The following NUP153 variants were observed in gnomAD, a reference collection of about 807,000 sequenced individuals.
NUP153 encodes nucleoporin 153.
Under a neutral mutation model 134.6 loss-of-function variants are expected in NUP153, and 27 were observed. That is an observed-to-expected ratio of 0.20 (90% CI 0.15 to 0.28). NUP153 has a LOEUF of 0.28. NUP153 is among the 10% of genes least tolerant of loss of function. The probability of loss-of-function intolerance (pLI) is 1.00; values close to 1 mark genes in which losing one functional copy is unlikely to be tolerated. For synonymous variants in NUP153, 640 were observed against 623.5 expected (o/e 1.03, Z -0.40); for missense variants, 1,821 against 1,731.3 (o/e 1.05, Z -0.92).
At chr6:17,679,222 A>T (rs1033645817) in intron 2 of NUP153, among the ~76,000 whole-genome samples, 5 of 152,202 alleles carry the variant, frequency 3.3e-5, no homozygotes, top group African/African-American at 1.2e-4. Flanking sequence ...TCAACACAAA[A>T]AAATGTGTTT....
At chr6:17,639,534 A>G (rs1765733055) in intron 15 of NUP153, among the ~76,000 whole-genome samples, 2 of 152,202 alleles carry the variant, frequency 1.3e-5, no homozygotes, top group South Asian at 4.1e-4. Flanking sequence ...ACTGCTCCCT[A>G]TGTATATGTT....
At chr6:17,646,809 G>A (rs972333958) in intron 13 of NUP153, among the ~76,000 whole-genome samples, 2 of 151,670 alleles carry the variant, frequency 1.3e-5, no homozygotes, top group Admixed American at 6.6e-5. Context: ...GCACAATCTC[G>A]GCTCACTGCA....
In NUP153 at chr6:17,637,144, A is replaced by G. The variant is rs774247886; in HGVS notation, c.2464+9T>C. 2.3e-5 allele frequency: 36 copies of G among 1,594,580 alleles called. No homozygotes were observed. Among genetic ancestry groups the G allele is most frequent in the Non-Finnish European group, 2.9e-5 (34 of 1,167,296 alleles). ...TAAGCAAAATTACTCCATAAAGCCA[A>G]AAACATACCTGGTTTCTCAGACATA... On this transcript the variant is annotated intron_variant, in intron 16 of 21. Transcript: ENST00000262077.
rs1765798714 is a variant in NUP153 at position 17,640,869 on chromosome 6, C to G, written c.1721-805G>C. ...AACTCCTGGCCTCAGGTGATCCTCC[C>G]ACATCGGCCTCCCAAAGCACTGGCA... On this transcript the variant is annotated intron_variant, in intron 14 of 21. Coordinates refer to ENST00000262077, the MANE Select transcript of NUP153 (RefSeq NM_005124.4). 3.9e-5 allele frequency among the ~76,000 whole-genome samples: 6 copies of G among 152,082 alleles called. No individual in the cohort carries two copies. In the South Asian group the frequency reaches 1.2e-3, roughly 31 times the overall value.
intron 1 of NUP153, among the ~76,000 whole-genome samples, chr6:17,690,925 A>G (rs1294712442): frequency 2.0e-5 from 3 of 151,902 alleles, no homozygotes; most frequent in Non-Finnish European, 2.9e-5. Context: ...GGATCATGAG[A>G]TCAGGAGTTC....
chr6:17,628,845 A>C lies in NUP153; in HGVS notation c.3354T>G (p.Phe1118Leu). ...GCTCTTCATTGTCAGCTTTCTTCCC[A>C]AAAACTAGGGAAGTAGAAGTGACAG... ...QEPVTSTSLV[F>L]GKKADNEEPK... Residue 1118 changes from phenylalanine to leucine, a missense_variant, in exon 18 of 22, where the codon TTT becomes TTG. Physicochemically the swap from Phe to Leu is conservative, Grantham distance 22 (BLOSUM62 0). Coordinates refer to ENST00000262077, the MANE Select transcript of NUP153 (RefSeq NM_005124.4). This position sits in a 1 kb window ranked among gnomAD's most constrained non-coding sequence, Gnocchi z 5.4. The C allele has an allele frequency of 1.9e-6, 3 of 1,614,142 alleles. No individual in the cohort carries two copies. The highest frequency in any genetic ancestry group is 2.5e-6 in the Non-Finnish European group (3 of 1,179,994).
At chr6:17,674,260 A>C (rs960623741) in intron 5 of NUP153, among the ~76,000 whole-genome samples, 10 of 152,188 alleles carry the variant, frequency 6.6e-5, no homozygotes, top group African/African-American at 1.9e-4. Flanking sequence ...TTATATACAT[A>C]ATAATATGTT....
chr6:17,688,393 T>C lies in NUP153; in HGVS notation c.334+3A>G, dbSNP rs1769071281. On this transcript the variant is annotated splice_donor_region_variant and intron_variant, in intron 2 of 21. Transcript: ENST00000262077. Reference sequence around the variant, plus strand: ...CATGACAAAATATTCACATTTTACTTACCTTCTGTATTACTGACTGCTGGC... The same window carrying C: ...CATGACAAAATATTCACATTTTACTCACCTTCTGTATTACTGACTGCTGGC... 1.2e-6 allele frequency: 2 copies of C among 1,608,898 alleles called. No homozygotes were observed. Among genetic ancestry groups the C allele is most frequent in the East Asian group, 2.2e-5 (1 of 44,828 alleles).
At chr6:17,663,722 T>C (rs182594975) in intron 9 of NUP153, among the ~76,000 whole-genome samples, 2 of 152,286 alleles carry the variant, frequency 1.3e-5, no homozygotes, top group East Asian at 1.9e-4. Context: ...TTCAATAAAT[T>C]GAGTTGTTAG....
intron 5 of NUP153, among the ~76,000 whole-genome samples, chr6:17,673,460 AAATG>A (rs1561894104): frequency 6.6e-6 from 1 of 152,252 alleles, no homozygotes; most frequent in East Asian, 1.9e-4. Context: ...GTACCCTGAA[AAATG>A]AACTCTCTCA....
At position 17,701,847 on chromosome 6, in the gene NUP153, A is replaced by AAG. The variant is rs893196750; in HGVS notation, c.111+4429_111+4430insCT. Among the ~76,000 whole-genome samples the AAG allele has an allele frequency of 3.8e-5, 3 of 78,048 alleles. 1 individual carries two copies. Among genetic ancestry groups the AAG allele is most frequent in the Non-Finnish European group, 8.9e-5 (3 of 33,828 alleles). The allele number at this position is 78,048 out of a possible 152,430, so 51.2% of individuals were successfully genotyped here. A position where few individuals can be genotyped will look rare whatever the true frequency, so the allele number is the denominator to read the frequency against. On this transcript the variant is annotated intron_variant, in intron 1 of 21. Coordinates refer to ENST00000262077, the MANE Select transcript of NUP153 (RefSeq NM_005124.4). ...GACTCTGTCTCGGGGGGGGGGGGAA[A>AAG]AAAGCTAAATGCAGGAACTGACTTG...
intron 1 of NUP153, among the ~76,000 whole-genome samples, chr6:17,693,691 G>A (rs563960718): frequency 1.2e-3 from 174 of 147,776 alleles, no homozygotes; most frequent in Non-Finnish European, 2.0e-3. Context: ...GCTGAGACCA[G>A]CCTGGCCAAC....
At chr6:17,637,846 G>A (rs1765639730) in intron 15 of NUP153, 76 bp from the exon 16 acceptor site, 3 of 1,463,884 alleles carry the variant, frequency 2.0e-6, no homozygotes, top group Admixed American at 4.8e-5. Context: ...TATTATTACT[G>A]AGAAGACGTT....
rs536334136 is a variant in NUP153, at chr6:17,619,189, A to G, written c.4175-2494T>C. On this transcript the variant is annotated intron_variant, in intron 20 of 21. Transcript: ENST00000262077. ...ACTCTGGAAGCCAGAAAAGTCTACA[A>G]TGGAGAAATGCTTTCAAAATTATAA... Among the ~76,000 whole-genome samples the G allele has an allele frequency of 3.3e-5, 5 of 152,342 alleles. No homozygotes were observed. In the South Asian group the frequency reaches 1.0e-3, roughly 32 times the overall value.
chr6:17,637,788 G>T lies in NUP153; in HGVS notation c.1847-18C>A, dbSNP rs747297782. ...TGCGAAACCTACAATGAACGAAGGA[G>T]AGAGTGCAACGTTAGAGAAGCTTTA... On this transcript the variant is annotated intron_variant, in intron 15 of 21. Transcript: ENST00000262077. 6.3e-7 allele frequency: 1 copy of T among 1,580,464 alleles called. No individual in the cohort carries two copies. Among genetic ancestry groups the T allele is most frequent in the Non-Finnish European group, 8.5e-7 (1 of 1,169,784 alleles).
chr6:17,629,587 T>C, intron 17 of NUP153, 48 bp from the exon 18 acceptor site: 2 of 1,499,634 alleles, frequency 1.3e-6, no homozygotes, highest in Non-Finnish European at 1.8e-6. Context: ...GTACTGATCC[T>C]CTCAAACAAA....
chr6:17,669,518 T>A lies in NUP153; in HGVS notation c.881A>T (p.Lys294Met). 1 of 1,613,812 alleles carries A rather than the reference T, an allele frequency of 6.2e-7. No individual in the cohort carries two copies. The highest frequency in any genetic ancestry group is 8.5e-7 in the Non-Finnish European group (1 of 1,179,680). Reference sequence around the variant, plus strand: ...ACCGTAAGATTGTGCACTGAGTTGCTTAGCTTTCATTTGTCTTCTAACTGG... The same window carrying A: ...ACCGTAAGATTGTGCACTGAGTTGCATAGCTTTCATTTGTCTTCTAACTGG... Reference protein sequence around the residue: ...QAPVRRQMKAKQLSAQSYGVT... With the variant: ...QAPVRRQMKAMQLSAQSYGVT... The change falls in exon 6 of 22, where the codon AAG (lysine) becomes ATG (methionine). Residue 294 changes from lysine (K) to methionine (M), a missense_variant. Lys to Met is a moderately conservative substitution (Grantham distance 95). Coordinates refer to ENST00000262077, the MANE Select transcript of NUP153 (RefSeq NM_005124.4).
intron 17 of NUP153, among the ~76,000 whole-genome samples, chr6:17,631,738 G>A (rs6917438): frequency 0.22 from 32,676 of 151,714 alleles, 4,070 homozygotes; most frequent in Non-Finnish European, 0.28. Context: ...AGGCCGAGGC[G>A]GGTGGATCAC....
chr6:17,627,273 C>A (rs1370272486), intron 18 of NUP153, among the ~76,000 whole-genome samples: 1 of 152,096 alleles, frequency 6.6e-6, no homozygotes, highest in Non-Finnish European at 1.5e-5. Context: ...TGTTGCTTTC[C>A]AAATAATATG....
Sources: gnomAD v4.1 joint callset for allele counts (sites outside exome capture counted in the v4.1 genomes callset) on GRCh38, gnomAD v4.1.1 for gene constraint, Gnocchi (gnomAD v3.1) non-coding constraint, MANE v1.5 for transcripts, NCBI Gene and HGNC (gene_info 2026-07-23, HGNC 2026-07-21) for gene names.